Variants in PLEKHA5 observed in about 807,000 individuals in gnomAD.
PLEKHA5 encodes the protein pleckstrin homology domain-containing family A member 5.
Under a neutral mutation model 181.9 loss-of-function variants are expected in PLEKHA5, and 55 were observed. The observed-to-expected ratio is 0.30, with a 90% CI of 0.24 to 0.38. The LOEUF is 0.38. Ranked by LOEUF, PLEKHA5 falls within the 10% of genes least tolerant of loss-of-function variation. The pLI, the probability that PLEKHA5 is intolerant of heterozygous loss-of-function variation, is 1.00. For synonymous variants in PLEKHA5, 535 were observed against 529.4 expected, an observed-to-expected ratio of 1.01 and a Z score of -0.15; for missense variants, 1,432 against 1,549.5, an observed-to-expected ratio of 0.92 and a Z score of 1.27.
In PLEKHA5 at chr12:19,130,431, C is replaced by T. The variant is rs376295647; in HGVS notation, c.169+301C>T. Reference sequence around the variant, plus strand: ...GACCCTCGCGACCCTAGAGTGGCGACGCTCCCCTCCCTGAAACCTGGAGTC... The same window carrying T: ...GACCCTCGCGACCCTAGAGTGGCGATGCTCCCCTCCCTGAAACCTGGAGTC... On this transcript the variant is annotated intron_variant, in intron 2 of 31. Transcript: ENST00000429027. The surrounding 1 kb of genome is among the most constrained non-coding windows in gnomAD (Gnocchi z 4.5). 5.2e-4 allele frequency among the ~76,000 whole-genome samples: 79 copies of T among 152,026 alleles called. No homozygotes were observed. Among genetic ancestry groups the T allele is most frequent in the African/African-American group, 1.9e-3 (79 of 41,498 alleles).
chr12:19,351,872 C>T (rs896102837), intron 25 of PLEKHA5, among the ~76,000 whole-genome samples: 1 of 151,848 alleles, frequency 6.6e-6, no homozygotes, highest in Non-Finnish European at 1.5e-5. Context: ...TCAGGAGTTC[C>T]AGACCAGCCT....
At chr12:19,206,736 G>C (rs1250158687) in intron 3 of PLEKHA5, among the ~76,000 whole-genome samples, 1 of 152,084 alleles carries the variant, frequency 6.6e-6, no homozygotes, top group African/African-American at 2.4e-5. Context: ...GTATACTTAA[G>C]TTTATATATT....
intron 25 of PLEKHA5, among the ~76,000 whole-genome samples, chr12:19,350,044 A>G (rs11044505): frequency 0.74 from 113,215 of 152,124 alleles, 45,450 homozygotes; most frequent in Non-Finnish European, 0.92. Context: ...CCCAGGAGTC[A>G]GAGGTTGCAG....
intron 20 of PLEKHA5, among the ~76,000 whole-genome samples, chr12:19,334,829 A>AAAAAAAAATATAT: frequency 2.7e-4 from 5 of 18,604 alleles, no homozygotes; most frequent in Non-Finnish European, 4.3e-4. Flanking sequence ...AAAAAAAAAA[A>AAAAAAAAATATAT]ATATATATAT....
At chr12:19,177,752 A>G (rs1016171194) in intron 3 of PLEKHA5, among the ~76,000 whole-genome samples, 1 of 152,186 alleles carries the variant, frequency 6.6e-6, no homozygotes, top group African/African-American at 2.4e-5. Flanking sequence ...TGTGCTATGT[A>G]TTTATTTACT....
chr12:19,194,589 G>A (rs1179481829), intron 3 of PLEKHA5, among the ~76,000 whole-genome samples: 1 of 152,116 alleles, frequency 6.6e-6, no homozygotes, highest in East Asian at 1.9e-4. Flanking sequence ...TGAAAGAATG[G>A]TCTGGAGAAA....
rs143220292 is a variant in PLEKHA5, at chr12:19,302,481, T to A, written c.2037+10784T>A. On this transcript the variant is annotated intron_variant, in intron 15 of 31. Coordinates refer to ENST00000429027, the MANE Select transcript of PLEKHA5 (RefSeq NM_001256470.2). The stretch of plus-strand genomic sequence containing the variant: ...CATGATTTTGGCTCACTGCAACCTC[T>A]ACCTCCCAGGTTCAAGTGATTCTCC... Among the ~76,000 whole-genome samples the A allele has an allele frequency of 6.7e-3, 1,026 of 152,248 alleles. 14 individuals are homozygous for A. Among genetic ancestry groups the A allele is most frequent in the African/African-American group, 0.024 (985 of 41,552 alleles).
intron 3 of PLEKHA5, among the ~76,000 whole-genome samples, chr12:19,204,901 T>C (rs1211603635): frequency 2.6e-5 from 4 of 152,134 alleles, no homozygotes; most frequent in Non-Finnish European, 5.9e-5. Context: ...GAAATAAGGA[T>C]AGTTTATAGT....
At chr12:19,321,200 G>A (rs549311279) in intron 18 of PLEKHA5, among the ~76,000 whole-genome samples, 1 of 151,698 alleles carries the variant, frequency 6.6e-6, no homozygotes, top group South Asian at 2.1e-4. Context: ...ACTAGAGACT[G>A]GAGACGAATT....
chr12:19,136,004 C>A (rs572145224), intron 3 of PLEKHA5, among the ~76,000 whole-genome samples: 12 of 151,368 alleles, frequency 7.9e-5, no homozygotes, highest in Non-Finnish European at 1.6e-4. Flanking sequence ...CTCAGCCTTA[C>A]GAGTAGCTGG....
intron 15 of PLEKHA5, chr12:19,306,760 A>G (rs1461397902): frequency 1.4e-5 from 14 of 993,616 alleles, no homozygotes; most frequent in Non-Finnish European, 1.9e-5. Flanking sequence ...ACCTTTGCCA[A>G]TCGCAATCTC....
intron 8 of PLEKHA5, among the ~76,000 whole-genome samples, chr12:19,267,041 A>G (rs1405827656): frequency 6.6e-6 from 1 of 152,092 alleles, no homozygotes; most frequent in Non-Finnish European, 1.5e-5. Flanking sequence ...TTGTGGTATT[A>G]CTGGTTTGTG....
chr12:19,372,847 C>T (rs147518206), intron 31 of PLEKHA5: 1 of 151,224 alleles, frequency 6.6e-6, no homozygotes, highest in East Asian at 2.0e-4. Flanking sequence ...GATCTTGGAG[C>T]CTTGCCCTCC....
chr12:19,359,709 A>T lies in PLEKHA5; in HGVS notation c.3483+163A>T, dbSNP rs552736667. ...CCGGGCGCGGTGGCTCACGTCTGTA[A>T]TCCCAGCACTTTGGGAGGCTGAGGC... On this transcript the variant is annotated intron_variant, in intron 28 of 31. Transcript: ENST00000429027. Among the ~76,000 whole-genome samples the T allele has an allele frequency of 1.2e-3, 183 of 152,200 alleles. 1 individual carries two copies. The highest frequency in any genetic ancestry group is 3.2e-3 in the Admixed American group (49 of 15,262).
At chr12:19,253,435 TG>T (rs201507032) in intron 3 of PLEKHA5, among the ~76,000 whole-genome samples, 1,565 of 152,158 alleles carry the variant, frequency 0.01, 17 homozygotes, top group African/African-American at 0.035. Context: ...TGAGAAGGGA[TG>T]CATTTAACTT....
intron 3 of PLEKHA5, among the ~76,000 whole-genome samples, chr12:19,224,007 ATTAG>A (rs750756443): frequency 5.9e-5 from 9 of 152,174 alleles, no homozygotes; most frequent in South Asian, 2.1e-4. Flanking sequence ...CTGATACAGA[ATTAG>A]TTAGTGATAC....
chr12:19,133,437 A>G (rs1018342551), intron 3 of PLEKHA5, among the ~76,000 whole-genome samples: 6 of 151,978 alleles, frequency 3.9e-5, no homozygotes, highest in African/African-American at 1.4e-4. Context: ...ATTTTAATAA[A>G]CTGAGACATG....
chr12:19,216,972 G>T (rs2058087020), intron 3 of PLEKHA5, among the ~76,000 whole-genome samples: 1 of 152,152 alleles, frequency 6.6e-6, no homozygotes, highest in South Asian at 2.1e-4. Flanking sequence ...AATTACTGAT[G>T]TAGTTATTTT....
At chr12:19,209,120 A>G (rs1316462810) in intron 3 of PLEKHA5, among the ~76,000 whole-genome samples, 1 of 152,144 alleles carries the variant, frequency 6.6e-6, no homozygotes, top group Non-Finnish European at 1.5e-5. Context: ...TGAGGCACTA[A>G]GAAGGATAAG....
Sources: allele counts gnomAD v4.1 joint callset (sites outside exome capture counted in the v4.1 genomes callset), GRCh38; gene constraint gnomAD v4.1.1; non-coding constraint Gnocchi (gnomAD v3.1); transcripts MANE v1.5; gene names NCBI Gene and HGNC (gene_info 2026-07-23, HGNC 2026-07-21).